The following ARID5B variants were observed in gnomAD, a reference collection of about 807,000 sequenced individuals.
The protein encoded by ARID5B is AT-rich interaction domain 5B.
Under a neutral mutation model 97.2 loss-of-function variants are expected in ARID5B, and 13 were observed. The observed-to-expected ratio is 0.13, with a 90% confidence interval of 0.09 to 0.21. ARID5B has a LOEUF of 0.21. Among genes scored for constraint, ARID5B ranks in the 10% least tolerant of loss-of-function variants. ARID5B has a pLI of 1.00. For missense variants in ARID5B, 1,210 were observed against 1,465.3 expected (o/e 0.83, Z 2.84); for synonymous variants, 556 against 570.3 (o/e 0.97, Z 0.36).
At chr10:62,030,343 C>G (rs528831571) in intron 4 of ARID5B, among the ~76,000 whole-genome samples, 1 of 152,100 alleles carries the variant, frequency 6.6e-6, no homozygotes, top group Non-Finnish European at 1.5e-5. Context: ...GTTGGCCAGG[C>G]TGGTCTGGAA....
intron 4 of ARID5B, chr10:62,049,324 G>A (rs1672730459): frequency 6.7e-7 from 1 of 1,502,024 alleles, no homozygotes; most frequent in Non-Finnish European, 8.9e-7. Context: ...CGGGGGAGGG[G>A]AGTTGTAAGC....
At chr10:61,914,586 C>T (rs1259246203) in intron 2 of ARID5B, among the ~76,000 whole-genome samples, 1 of 152,226 alleles carries the variant, frequency 6.6e-6, no homozygotes, top group Non-Finnish European at 1.5e-5. Context: ...TGTGTATTCA[C>T]AGCCCAGAGA....
chr10:62,067,311 A>G (rs1011053328), intron 7 of ARID5B, among the ~76,000 whole-genome samples: 2 of 152,118 alleles, frequency 1.3e-5, no homozygotes, highest in African/African-American at 2.4e-5. Flanking sequence ...TTGAACTCCC[A>G]ACCTCAGGTG....
chr10:62,023,241 A>G (rs372890548), intron 4 of ARID5B, among the ~76,000 whole-genome samples: 2 of 152,222 alleles, frequency 1.3e-5, no homozygotes, highest in East Asian at 3.8e-4. Flanking sequence ...TGCTTACTAG[A>G]ATATTCATCA....
intron 3 of ARID5B, among the ~76,000 whole-genome samples, chr10:61,989,534 A>G (rs776720044): frequency 2.6e-5 from 4 of 152,242 alleles, no homozygotes; most frequent in Non-Finnish European, 5.9e-5. Flanking sequence ...GATGGTGATT[A>G]ACTATAATTA....
intron 2 of ARID5B, among the ~76,000 whole-genome samples, chr10:61,912,223 G>A (rs1262901744): frequency 6.6e-6 from 1 of 152,184 alleles, no homozygotes; most frequent in East Asian, 1.9e-4. Flanking sequence ...CTAATACTGT[G>A]TATTCTTCTT....
At chr10:62,011,425 C>T (rs1033863199) in intron 4 of ARID5B, among the ~76,000 whole-genome samples, 2 of 152,106 alleles carry the variant, frequency 1.3e-5, no homozygotes, top group African/African-American at 4.8e-5. Flanking sequence ...TATCCCATAG[C>T]TGTTGAAAGA....
intron 3 of ARID5B, among the ~76,000 whole-genome samples, chr10:61,957,799 G>A (rs1838413437): frequency 6.6e-6 from 1 of 152,278 alleles, no homozygotes; most frequent in Non-Finnish European, 1.5e-5. Context: ...TAATGTATGT[G>A]TCTCACTTTA....
intron 2 of ARID5B, among the ~76,000 whole-genome samples, chr10:61,908,733 G>T (rs1843746047): frequency 7.2e-6 from 1 of 139,784 alleles, no homozygotes. Context: ...CCGGGAGGCA[G>T]AGCTTGCAGT....
chr10:61,940,966 T>TA (rs397958155), intron 3 of ARID5B, among the ~76,000 whole-genome samples: 6 of 6,146 alleles, frequency 9.8e-4, no homozygotes, highest in East Asian at 6.6e-3. Flanking sequence ...TATATATATA[T>TA]TTTTTTTTTT....
At chr10:61,941,483 T>C (rs1844409448) in intron 3 of ARID5B, among the ~76,000 whole-genome samples, 1 of 151,930 alleles carries the variant, frequency 6.6e-6, no homozygotes, top group Non-Finnish European at 1.5e-5. Context: ...ATTTTTGCAG[T>C]CCTATTTTAC....
At chr10:61,932,756 C>G (rs1033830792) in intron 2 of ARID5B, among the ~76,000 whole-genome samples, 1 of 152,156 alleles carries the variant, frequency 6.6e-6, no homozygotes, top group Non-Finnish European at 1.5e-5. Flanking sequence ...TTGGAGTCAA[C>G]CCTCTCAAAC....
At position 62,095,247 on chromosome 10, in the gene ARID5B, A is replaced by G. The variant is rs1253965730; in HGVS notation, c.*2217A>G. ...GCTGGCAAGATGCTAGCCAGGACAC[A>G]TATAAGAAAGTTGCACTAGATTGAA... On this transcript the variant is annotated 3_prime_UTR_variant, in exon 10 of 10. Transcript: ENST00000279873. 2 of 233,434 alleles carry G rather than the reference A, an allele frequency of 8.6e-6. No homozygotes were observed. The highest frequency in any genetic ancestry group is 8.5e-6 in the Non-Finnish European group (1 of 117,994). The allele number at this position is 233,434 out of a possible 1,614,324, so 14.5% of individuals were successfully genotyped here.
chr10:61,929,012 C>T (rs1336295922), intron 2 of ARID5B, among the ~76,000 whole-genome samples: 3 of 152,164 alleles, frequency 2.0e-5, no homozygotes, highest in Admixed American at 6.5e-5. Context: ...TACCCGTCTC[C>T]ATTGGTGCAC....
At chr10:61,975,394 T>C (rs1181017250) in intron 3 of ARID5B, among the ~76,000 whole-genome samples, 1 of 152,164 alleles carries the variant, frequency 6.6e-6, no homozygotes, top group Non-Finnish European at 1.5e-5. Flanking sequence ...ACAGCATAAA[T>C]AGAAAGTGGG....
chr10:61,931,059 G>A (rs1040246997), intron 2 of ARID5B, among the ~76,000 whole-genome samples: 1 of 152,094 alleles, frequency 6.6e-6, no homozygotes, highest in Non-Finnish European at 1.5e-5. Flanking sequence ...CAAAATTAGG[G>A]TTGTTCATTA....
rs116168455 is a variant in ARID5B, at chr10:62,036,841, G to T, written c.734-14047G>T. 8.6e-3 allele frequency among the ~76,000 whole-genome samples: 1,310 copies of T among 152,224 alleles called. 20 individuals are homozygous for T. Among genetic ancestry groups the T allele is most frequent in the African/African-American group, 0.03 (1,252 of 41,520 alleles). On this transcript the variant is annotated intron_variant, in intron 4 of 9. Coordinates refer to ENST00000279873, the MANE Select transcript of ARID5B (RefSeq NM_032199.3). ...ACTCTGGGCGAGTGGCAGGCTCTCT[G>T]GTCCTGTCTTTTCTGATGTGGAGAA... is the stretch of plus-strand genomic sequence containing the variant.
intron 4 of ARID5B, among the ~76,000 whole-genome samples, chr10:62,016,427 A>G (rs1404171318): frequency 6.6e-6 from 1 of 152,242 alleles, no homozygotes; most frequent in Non-Finnish European, 1.5e-5. Flanking sequence ...GCTGATTAAC[A>G]ACTGTAAAAT....
At chr10:61,998,864 C>A (rs1265643038) in intron 3 of ARID5B, among the ~76,000 whole-genome samples, 1 of 152,166 alleles carries the variant, frequency 6.6e-6, no homozygotes, top group Non-Finnish European at 1.5e-5. Flanking sequence ...CCCCAAATCA[C>A]CACTGCTTTA....
Sources: gnomAD v4.1 joint callset for allele counts (sites outside exome capture counted in the v4.1 genomes callset) on GRCh38, gnomAD v4.1.1 for gene constraint, MANE v1.5 for transcripts, NCBI Gene and HGNC (gene_info 2026-07-23, HGNC 2026-07-21) for gene names.